TAFA1: variants seen among roughly 807,000 people sequenced by gnomAD.
TAFA1 encodes the protein chemokine-like protein TAFA-1.
TAFA1 carries 4 observed loss-of-function variants against 18.5 expected under a neutral mutation model. That is an observed-to-expected ratio of 0.22 (90% CI 0.11 to 0.49). The LOEUF (loss-of-function observed/expected upper bound fraction) is 0.49. Among genes scored for constraint, TAFA1 ranks in the 20% least tolerant of loss-of-function variants. The pLI, the probability that TAFA1 is intolerant of heterozygous loss-of-function variation, is 0.98. For synonymous variants in TAFA1, 56 were observed against 55.2 expected (o/e 1.01, Z -0.06); for missense variants, 147 against 169.0 (o/e 0.87, Z 0.72).
chr3:68,235,408 AT>A (rs1192509578), intron 2 of TAFA1, among the ~76,000 whole-genome samples: 5 of 151,954 alleles, frequency 3.3e-5, no homozygotes, highest in African/African-American at 1.2e-4. Flanking sequence ...GTGTTATTTA[AT>A]TTTTTTTCAG....
At chr3:68,029,877 T>C (rs1269157767) in intron 2 of TAFA1, among the ~76,000 whole-genome samples, 3 of 152,190 alleles carry the variant, frequency 2.0e-5, no homozygotes, top group African/African-American at 7.2e-5. Flanking sequence ...TTACCTTGCC[T>C]AAGCCTCAGC....
chr3:68,147,587 A>C (rs1456339979), intron 2 of TAFA1, among the ~76,000 whole-genome samples: 4 of 151,064 alleles, frequency 2.6e-5, no homozygotes, highest in African/African-American at 4.9e-5. Context: ...AATATGAAAC[A>C]CTCCTCAAAA....
chr3:68,528,901 G>T lies in TAFA1; in HGVS notation c.260-9855G>T, dbSNP rs143264495. Among the ~76,000 whole-genome samples, 421 of 152,274 alleles carry T rather than the reference G, an allele frequency of 2.8e-3. 3 individuals carry two copies. The highest frequency in any genetic ancestry group is 9.5e-3 in the African/African-American group (393 of 41,574). On this transcript the variant is annotated intron_variant, in intron 3 of 4. Coordinates refer to ENST00000478136, the MANE Select transcript of TAFA1 (RefSeq NM_213609.4). The stretch of plus-strand genomic sequence containing the variant: ...GAGTAATAAAATTGATGATGCCAAT[G>T]AAGATAATGATAGCTAATATTTATT...
intron 2 of TAFA1, among the ~76,000 whole-genome samples, chr3:68,073,851 A>T (rs972708075): frequency 6.6e-6 from 1 of 152,038 alleles, no homozygotes; most frequent in Non-Finnish European, 1.5e-5. Flanking sequence ...GTGGTCTCCA[A>T]CCTTTTTGGC....
intron 2 of TAFA1, among the ~76,000 whole-genome samples, chr3:68,386,626 G>A (rs1176605534): frequency 6.6e-6 from 1 of 152,102 alleles, no homozygotes; most frequent in African/African-American, 2.4e-5. Flanking sequence ...CTTCCCTGGA[G>A]AGAACTGTTT....
intron 2 of TAFA1, among the ~76,000 whole-genome samples, chr3:68,245,782 G>A (rs2067066082): frequency 6.6e-6 from 1 of 152,198 alleles, no homozygotes; most frequent in Non-Finnish European, 1.5e-5. Flanking sequence ...GATCACAAAG[G>A]AAATCAATGT....
At chr3:68,461,950 G>A (rs2071790264) in intron 3 of TAFA1, among the ~76,000 whole-genome samples, 2 of 152,090 alleles carry the variant, frequency 1.3e-5, no homozygotes, top group African/African-American at 4.8e-5. Context: ...TTTAGGAAAA[G>A]TGGGGGGAAA....
At chr3:68,138,984 C>T (rs1047822437) in intron 2 of TAFA1, among the ~76,000 whole-genome samples, 14 of 152,102 alleles carry the variant, frequency 9.2e-5, no homozygotes, top group African/African-American at 1.9e-4. Flanking sequence ...ACCAGCATAT[C>T]GACAGTTCCT....
intron 3 of TAFA1, among the ~76,000 whole-genome samples, chr3:68,426,663 C>A (rs535574240): frequency 6.6e-6 from 1 of 151,936 alleles, no homozygotes; most frequent in South Asian, 2.1e-4. Context: ...CGGTGATAAA[C>A]GGCTTACAAA....
intron 2 of TAFA1, among the ~76,000 whole-genome samples, chr3:68,250,111 C>T (rs1444923039): frequency 1.3e-5 from 2 of 152,112 alleles, no homozygotes; most frequent in Admixed American, 6.5e-5. Context: ...TATACGCTCT[C>T]ATCACTTATA....
At chr3:68,158,140 G>A (rs893213638) in intron 2 of TAFA1, among the ~76,000 whole-genome samples, 1 of 152,134 alleles carries the variant, frequency 6.6e-6, no homozygotes, top group Non-Finnish European at 1.5e-5. Flanking sequence ...CCTTTTATTC[G>A]CCTGACAGTC....
At chr3:68,012,268 A>G (rs1305803578) in intron 2 of TAFA1, among the ~76,000 whole-genome samples, 1 of 152,206 alleles carries the variant, frequency 6.6e-6, no homozygotes, top group Non-Finnish European at 1.5e-5. Context: ...TTATTAGACA[A>G]ATGTGAAAAG....
At chr3:68,224,455 T>C (rs1233768043) in intron 2 of TAFA1, among the ~76,000 whole-genome samples, 2 of 152,234 alleles carry the variant, frequency 1.3e-5, no homozygotes, top group African/African-American at 4.8e-5. Context: ...TCCGAAGGGC[T>C]TCTAATCTCA....
intron 2 of TAFA1, among the ~76,000 whole-genome samples, chr3:68,252,881 G>T (rs575547259): frequency 6.6e-6 from 1 of 152,070 alleles, no homozygotes; most frequent in Non-Finnish European, 1.5e-5. Context: ...AGTCTTTCCC[G>T]TGCTGTTCTC....
chr3:68,254,674 A>G (rs1367331983), intron 2 of TAFA1, among the ~76,000 whole-genome samples: 1 of 152,054 alleles, frequency 6.6e-6, no homozygotes, highest in Non-Finnish European at 1.5e-5. Flanking sequence ...GTAAAGATAT[A>G]TAGGAATATT....
chr3:68,479,582 G>A (rs2072187794), intron 3 of TAFA1, among the ~76,000 whole-genome samples: 1 of 152,042 alleles, frequency 6.6e-6, no homozygotes. Context: ...AAGCAATGCT[G>A]GGATAAACAC....
chr3:68,527,100 G>A (rs1220548655), intron 3 of TAFA1, among the ~76,000 whole-genome samples: 1 of 152,080 alleles, frequency 6.6e-6, no homozygotes, highest in Non-Finnish European at 1.5e-5. Flanking sequence ...CTACACAGAT[G>A]CAAAGTCATG....
chr3:68,036,991 A>G (rs1404623695), intron 2 of TAFA1, among the ~76,000 whole-genome samples: 1 of 152,172 alleles, frequency 6.6e-6, no homozygotes, highest in Non-Finnish European at 1.5e-5. Flanking sequence ...TCTGAGACCC[A>G]TAGTCTAGTG....
intron 2 of TAFA1, among the ~76,000 whole-genome samples, chr3:68,109,542 G>A (rs752260125): frequency 1.3e-5 from 2 of 152,264 alleles, no homozygotes; most frequent in East Asian, 1.9e-4. Flanking sequence ...ATGCACAAGA[G>A]CATTGGTAAA....
Sources: allele counts gnomAD v4.1 joint callset (sites outside exome capture counted in the v4.1 genomes callset), GRCh38; gene constraint gnomAD v4.1.1; transcripts MANE v1.5; gene names NCBI Gene and HGNC (gene_info 2026-07-23, HGNC 2026-07-21).